The following MED4 variants were observed in gnomAD, a reference collection of about 807,000 sequenced individuals.
The protein encoded by MED4 is mediator of RNA polymerase II transcription subunit 4.
MED4 carries 21 observed loss-of-function variants against 35.0 expected under a neutral mutation model. The ratio of observed to expected loss-of-function variants is 0.60; its 90% confidence interval spans 0.43 to 0.86. The LOEUF (loss-of-function observed/expected upper bound fraction) is 0.86, where lower values mean the gene tolerates loss of function less well. Among genes scored for constraint, MED4 ranks in the 40% least tolerant of loss-of-function variants. MED4 has a pLI of 0.00. For synonymous variants in MED4, 138 were observed against 114.0 expected (o/e 1.21, Z -1.34); for missense variants, 300 against 319.4 (o/e 0.94, Z 0.46).
chr13:48,080,226 G>A (rs564514005), intron 5 of MED4, among the ~76,000 whole-genome samples: 2 of 151,014 alleles, frequency 1.3e-5, no homozygotes, highest in East Asian at 3.9e-4. Context: ...GTGAAACCCC[G>A]TCTCTACTAA....
chr13:48,090,483 C>T (rs1044173936), intron 1 of MED4, 65 bp from the exon 2 acceptor site: 1 of 1,276,292 alleles, frequency 7.8e-7, no homozygotes, highest in Non-Finnish European at 1.1e-6. Flanking sequence ...CAGGGCTACT[C>T]CCTACAGTCC....
intron 1 of MED4, among the ~76,000 whole-genome samples, chr13:48,092,339 C>T (rs1227824209): frequency 6.6e-6 from 1 of 152,044 alleles, no homozygotes; most frequent in Non-Finnish European, 1.5e-5. Flanking sequence ...CTCGAAATCC[C>T]GACCACAGGT....
chr13:48,091,560 C>CA (rs1481558540), intron 1 of MED4, among the ~76,000 whole-genome samples: 1 of 152,142 alleles, frequency 6.6e-6, no homozygotes, highest in Non-Finnish European at 1.5e-5. Flanking sequence ...ACTACTTCCC[C>CA]ATACCATTAT....
intron 2 of MED4, among the ~76,000 whole-genome samples, chr13:48,087,345 CAA>C (rs1354989760): frequency 6.6e-6 from 1 of 151,996 alleles, no homozygotes; most frequent in Non-Finnish European, 1.5e-5. Context: ...GCCGGGGCAA[CAA>C]GAGCGAAACT....
At chr13:48,086,193 C>T in intron 3 of MED4, 89 bp downstream of exon 3, 1 of 1,263,660 alleles carries the variant, frequency 7.9e-7, no homozygotes, top group South Asian at 1.4e-5. Context: ...GTCTAGTTTT[C>T]TGCTCTTCAA....
Position 48,083,387 on chromosome 13 carries a change from T to C in MED4, c.405A>G (p.Ile135Met). Residue 135 changes from isoleucine (I) to methionine (M), a missense_variant, in exon 4 of 7, where the codon ATA becomes ATG. Ile to Met is a conservative substitution (Grantham distance 10). Coordinates refer to ENST00000258648, the MANE Select transcript of MED4 (RefSeq NM_014166.4). ...GATACTAACCTTTTCTTGCTTTTTCTATTGACTTGAGTTTCTCCTTCGCTT... is the reference window on the plus strand; with the variant it reads ...GATACTAACCTTTTCTTGCTTTTTCCATTGACTTGAGTTTCTCCTTCGCTT... ...VYQAKEKLKS[I>M]EKARKGAISS... 6.2e-7 allele frequency: 1 copy of C among 1,613,154 alleles called. No individual in the cohort carries two copies. The highest frequency in any genetic ancestry group is 1.1e-5 in the South Asian group (1 of 90,894).
intron 3 of MED4, among the ~76,000 whole-genome samples, chr13:48,085,508 T>A (rs1230044831): frequency 6.6e-6 from 1 of 152,182 alleles, no homozygotes; most frequent in Non-Finnish European, 1.5e-5. Flanking sequence ...AATATATTTT[T>A]AAAAACTATT....
chr13:48,082,631 T>C (rs917365269), intron 4 of MED4, among the ~76,000 whole-genome samples: 7 of 152,036 alleles, frequency 4.6e-5, no homozygotes, highest in Admixed American at 1.3e-4. Context: ...ATCAAGACCA[T>C]CCTGGCTAAC....
intron 2 of MED4, among the ~76,000 whole-genome samples, chr13:48,087,009 G>A (rs1157604942): frequency 6.6e-6 from 1 of 151,440 alleles, no homozygotes; most frequent in East Asian, 1.9e-4. Context: ...TCACGCCACT[G>A]CACTCTAGCC....
intron 2 of MED4, among the ~76,000 whole-genome samples, 190 bp downstream of exon 2, chr13:48,090,162 C>G (rs888551524): frequency 6.6e-6 from 1 of 152,024 alleles, no homozygotes; most frequent in Admixed American, 6.6e-5. Flanking sequence ...TCTTCTTAAG[C>G]GCACTGTTAT....
chr13:48,087,826 G>T (rs1398170411), intron 2 of MED4, among the ~76,000 whole-genome samples: 2 of 151,978 alleles, frequency 1.3e-5, no homozygotes. Context: ...CTCCAGCCTG[G>T]GTGACAGAGC....
chr13:48,081,764 T>C (rs1950809985), intron 4 of MED4, 33 bp from the exon 5 acceptor site: 9 of 1,370,572 alleles, frequency 6.6e-6, no homozygotes, highest in African/African-American at 5.8e-5. Context: ...GTATAACCTG[T>C]AGTCTAACAA....
chr13:48,090,766 A>G (rs909894144), intron 1 of MED4, among the ~76,000 whole-genome samples: 3 of 152,222 alleles, frequency 2.0e-5, no homozygotes, highest in East Asian at 3.8e-4. Flanking sequence ...TGATAAGAGG[A>G]TAAGTTCTCA....
intron 2 of MED4, among the ~76,000 whole-genome samples, chr13:48,088,939 T>C (rs1036682744): frequency 5.9e-5 from 9 of 152,214 alleles, no homozygotes; most frequent in Non-Finnish European, 8.8e-5. Flanking sequence ...AATTCACAAA[T>C]TGCTACTCTT....
rs1950920790 is a variant in MED4, at chr13:48,095,083, C to A, written c.-5G>T. 8.7e-6 allele frequency: 14 copies of A among 1,602,154 alleles called. No individual in the cohort carries two copies. The highest frequency in any genetic ancestry group is 1.2e-5 in the Non-Finnish European group (14 of 1,179,804). On this transcript the variant is annotated 5_prime_UTR_variant, in exon 1 of 7. Transcript: ENST00000258648. ...ACCACTCGAAGACGCAGCCATTTTCCCCAGAGTCCCGCCACCGGCGCACGC... is the reference window on the plus strand; with the variant it reads ...ACCACTCGAAGACGCAGCCATTTTCACCAGAGTCCCGCCACCGGCGCACGC...
rs1235986650 is a variant in MED4, at chr13:48,083,360, A to G, written c.421+11T>C. On this transcript the variant is annotated intron_variant, in intron 4 of 6. Transcript: ENST00000258648. ...ACTTTTCAGGTCATTCAGTCTTCCCATGATACTAACCTTTTCTTGCTTTTT... is the reference window on the plus strand; with the variant it reads ...ACTTTTCAGGTCATTCAGTCTTCCCGTGATACTAACCTTTTCTTGCTTTTT... 3 of 1,609,994 alleles carry G rather than the reference A, an allele frequency of 1.9e-6. No homozygotes were observed. Among genetic ancestry groups the G allele is most frequent in the Non-Finnish European group, 2.5e-6 (3 of 1,177,436 alleles).
At chr13:48,093,536 A>G in intron 1 of MED4, 1 of 460,370 alleles carries the variant, frequency 2.2e-6, no homozygotes, top group South Asian at 1.6e-5. Flanking sequence ...CAGAATCAGT[A>G]CACATAACTA....
chr13:48,086,138 C>A, intron 3 of MED4, 144 bp downstream of exon 3: 1 of 704,344 alleles, frequency 1.4e-6, no homozygotes, highest in Non-Finnish European at 2.4e-6. Flanking sequence ...TTCATTTAAC[C>A]ACTGGCAATG....
At position 48,079,740 on chromosome 13, in the gene MED4, AAT is replaced by A; in HGVS notation, c.640+102_640+103del. 12 of 1,405,664 alleles carry A rather than the reference AAT, an allele frequency of 8.5e-6. No individual in the cohort carries two copies. The Admixed American group carries it at 2.4e-4, about 28-fold the overall frequency. 87.1% of individuals were successfully genotyped at this position (1,405,664 alleles called of 1,614,324 possible). A position where few individuals can be genotyped will look rare whatever the true frequency, so the allele number is the denominator to read the frequency against. ...TGTCTCAAATTTACAAAAAAAAAAA[AAT>A]TGTGTCGGGAATCTCAAACTTGCTT... On this transcript the variant is annotated intron_variant, in intron 6 of 6. Coordinates refer to ENST00000258648, the MANE Select transcript of MED4 (RefSeq NM_014166.4).
Sources: gnomAD v4.1 joint callset for allele counts (sites outside exome capture counted in the v4.1 genomes callset) on GRCh38, gnomAD v4.1.1 for gene constraint, MANE v1.5 for transcripts, NCBI Gene and HGNC (gene_info 2026-07-23, HGNC 2026-07-21) for gene names.